FKBP9: variants seen among roughly 807,000 people sequenced by gnomAD.
FKBP9 encodes the protein FKBP prolyl isomerase 9, also known as peptidyl-prolyl cis-trans isomerase FKBP9.
In FKBP9, 27 loss-of-function variants were observed where a neutral mutation model predicts 55.6. The observed-to-expected ratio is 0.49, with a 90% confidence interval of 0.36 to 0.67. The LOEUF (loss-of-function observed/expected upper bound fraction) is 0.67. Among genes scored for constraint, FKBP9 ranks in the 30% least tolerant of loss-of-function variants. The pLI is 0.00. For synonymous variants in FKBP9, 267 were observed against 296.5 expected, an observed-to-expected ratio of 0.90 and a Z score of 1.02; for missense variants, 539 against 742.8, an observed-to-expected ratio of 0.73 and a Z score of 3.19.
At chr7:32,999,537 A>G (rs916986186) in intron 7 of FKBP9, among the ~76,000 whole-genome samples, 7 of 151,796 alleles carry the variant, frequency 4.6e-5, no homozygotes, top group East Asian at 1.9e-4. Flanking sequence ...CTCAAGGCCA[A>G]ACATTTATTG....
At chr7:32,959,496 A>G (rs1783976996) in intron 1 of FKBP9, among the ~76,000 whole-genome samples, 1 of 152,218 alleles carries the variant, frequency 6.6e-6, no homozygotes, top group South Asian at 2.1e-4. Context: ...GGTGTGTACA[A>G]TTCAGTGTTT....
rs1405571579 is a variant in FKBP9, at chr7:32,965,878, T to TAGAG, written c.221+8085_221+8086insGAGA. 5.0e-5 allele frequency among the ~76,000 whole-genome samples: 5 copies of TAGAG among 99,660 alleles called. 1 individual carries two copies. Among genetic ancestry groups the TAGAG allele is most frequent in the Admixed American group, 3.1e-4 (3 of 9,812 alleles). The allele number at this position is 99,660 out of a possible 152,430, so 65.4% of individuals were successfully genotyped here. The stretch of plus-strand genomic sequence containing the variant: ...AGATATATATATATACATACATATA[T>TAGAG]ATATATAGAGAGAGAGAGAGAGAGC... On this transcript the variant is annotated intron_variant, in intron 1 of 9. Coordinates refer to ENST00000242209, the MANE Select transcript of FKBP9 (RefSeq NM_007270.5).
chr7:32,972,731 T>G (rs1784277890), intron 1 of FKBP9, among the ~76,000 whole-genome samples: 1 of 152,072 alleles, frequency 6.6e-6, no homozygotes, highest in African/African-American at 2.4e-5. Context: ...CCCCCCACCC[T>G]TTTTGAGACA....
intron 6 of FKBP9, among the ~76,000 whole-genome samples, chr7:32,994,282 T>A (rs1784741772): frequency 6.6e-6 from 1 of 152,128 alleles, no homozygotes; most frequent in Non-Finnish European, 1.5e-5. Flanking sequence ...CAACAGGTAG[T>A]CTATTTCTTG....
At chr7:32,959,769 T>G (rs554990519) in intron 1 of FKBP9, among the ~76,000 whole-genome samples, 5 of 152,358 alleles carry the variant, frequency 3.3e-5, no homozygotes, top group African/African-American at 1.2e-4. Context: ...TCATTTACGG[T>G]GTAAGGTATA....
intron 1 of FKBP9, among the ~76,000 whole-genome samples, chr7:32,970,544 T>G (rs1472875784): frequency 6.6e-6 from 1 of 151,896 alleles, no homozygotes; most frequent in Non-Finnish European, 1.5e-5. Flanking sequence ...TTGTAGTCTT[T>G]TGCCTCCTTG....
intron 1 of FKBP9, among the ~76,000 whole-genome samples, chr7:32,968,097 G>A (rs1784182520): frequency 6.6e-6 from 1 of 152,104 alleles, no homozygotes; most frequent in Admixed American, 6.6e-5. Context: ...CGAGTGCAGT[G>A]GCATGATCAC....
chr7:32,976,796 T>C (rs554465627), intron 4 of FKBP9, among the ~76,000 whole-genome samples: 243 of 152,308 alleles, frequency 1.6e-3, no homozygotes, highest in African/African-American at 4.7e-3. Flanking sequence ...TATTTGACAG[T>C]GCTAGTCTGG....
chr7:32,981,149 T>G (rs1277895247), intron 5 of FKBP9, among the ~76,000 whole-genome samples: 1 of 151,436 alleles, frequency 6.6e-6, no homozygotes, highest in Non-Finnish European at 1.5e-5. Flanking sequence ...CCAAGAGAGC[T>G]GGGCTCTAGC....
intron 6 of FKBP9, chr7:32,995,025 C>G (rs1245700011): frequency 6.6e-6 from 1 of 152,252 alleles, no homozygotes; most frequent in East Asian, 1.9e-4. Flanking sequence ...GGCTAGAGTA[C>G]AGTGGTGCAA....
chr7:32,960,727 CAA>C (rs1313191585), intron 1 of FKBP9, among the ~76,000 whole-genome samples: 1 of 152,192 alleles, frequency 6.6e-6, no homozygotes, highest in Non-Finnish European at 1.5e-5. Flanking sequence ...GTCTATCCCT[CAA>C]GAGAGAGACT....
At chr7:32,988,153 C>T (rs1179020328) in intron 5 of FKBP9, among the ~76,000 whole-genome samples, 2 of 152,130 alleles carry the variant, frequency 1.3e-5, no homozygotes, top group Non-Finnish European at 2.9e-5. Context: ...CACTGCACAC[C>T]AGCCTGGGTG....
At chr7:32,981,675 A>T (rs1479899882) in intron 5 of FKBP9, among the ~76,000 whole-genome samples, 1 of 152,094 alleles carries the variant, frequency 6.6e-6, no homozygotes, top group African/African-American at 2.4e-5. Flanking sequence ...TGTCATTTAA[A>T]TTTTTTGGAA....
chr7:32,960,394 C>T (rs569747473), intron 1 of FKBP9, among the ~76,000 whole-genome samples: 56 of 152,018 alleles, frequency 3.7e-4, no homozygotes, highest in Non-Finnish European at 7.2e-4. Flanking sequence ...GGATTACAGG[C>T]GGGAGCCACC....
At chr7:33,002,966 G>A (rs1461481410) in intron 9 of FKBP9, 127 bp downstream of exon 9, 3 of 826,348 alleles carry the variant, frequency 3.6e-6, no homozygotes, top group Non-Finnish European at 5.7e-6. Flanking sequence ...CTTGTGAGAT[G>A]ACCAGCACAC....
chr7:32,995,969 C>T (rs1470275257), intron 6 of FKBP9, among the ~76,000 whole-genome samples, 194 bp from the exon 7 acceptor site: 4 of 152,154 alleles, frequency 2.6e-5, no homozygotes, highest in African/African-American at 9.7e-5. Context: ...TCCGTTTATC[C>T]ACCTGTAAAA....
rs1310645170 is a variant in FKBP9, at chr7:32,971,284, G to A, written c.222-3333G>A. On this transcript the variant is annotated intron_variant, in intron 1 of 9. Coordinates refer to ENST00000242209, the MANE Select transcript of FKBP9 (RefSeq NM_007270.5). ...TTCCAGATGGTCAGAATTTTAAGCA[G>A]TAGATAAGACTGGTCTTGCATTGTT... 2.0e-5 allele frequency among the ~76,000 whole-genome samples: 3 copies of A among 152,342 alleles called. No individual in the cohort carries two copies. In the East Asian group the frequency reaches 5.8e-4, roughly 29 times the overall value.
rs550303767 is a variant in FKBP9, at chr7:32,965,919, G to A, written c.221+8125G>A. Among the ~76,000 whole-genome samples, 7 of 143,082 alleles carry A rather than the reference G, an allele frequency of 4.9e-5. No individual in the cohort carries two copies. In the South Asian group the frequency reaches 6.6e-4, roughly 14 times the overall value. The allele number at this position is 143,082 out of a possible 152,430, so 93.9% of individuals were successfully genotyped here. On this transcript the variant is annotated intron_variant, in intron 1 of 9. Transcript: ENST00000242209. ...GAGAGAGAGCCATGGGGGGCTGGGC[G>A]CGGTGGCTCATGCTTCTAATCCGAG...
rs1441101702 is a variant in FKBP9, at chr7:32,992,029, A to G, written c.1039+3377A>G. 5.9e-5 allele frequency among the ~76,000 whole-genome samples: 9 copies of G among 152,190 alleles called. No homozygotes were observed. In the East Asian group the frequency reaches 1.3e-3, roughly 23 times the overall value. On this transcript the variant is annotated intron_variant, in intron 6 of 9. Coordinates refer to ENST00000242209, the MANE Select transcript of FKBP9 (RefSeq NM_007270.5). ...TTCCACCCATGTGTCCAAGGCCACAATAGCTAATCCATGATGGAGCTGGAA... is the reference window on the plus strand; with the variant it reads ...TTCCACCCATGTGTCCAAGGCCACAGTAGCTAATCCATGATGGAGCTGGAA...
Sources: allele counts gnomAD v4.1 joint callset (sites outside exome capture counted in the v4.1 genomes callset), GRCh38; gene constraint gnomAD v4.1.1; transcripts MANE v1.5; gene names NCBI Gene and HGNC (gene_info 2026-07-23, HGNC 2026-07-21).